ALOX15B: variants seen among roughly 807,000 people sequenced by gnomAD.
The protein encoded by ALOX15B is arachidonate 15-lipoxygenase type B.
Under a neutral mutation model 73.8 loss-of-function variants are expected in ALOX15B, and 74 were observed. That is an observed-to-expected ratio of 1.00 (90% CI 0.83 to 1.22). The LOEUF is 1.22. Ranked by LOEUF, ALOX15B falls within the 50% of genes most tolerant of loss-of-function variation. ALOX15B has a pLI of 0.00. For missense variants in ALOX15B, 896 were observed against 859.9 expected (o/e 1.04, Z -0.52); for synonymous variants, 353 against 357.2 (o/e 0.99, Z 0.13).
chr17:8,040,797 A>G (rs1425078884), intron 3 of ALOX15B, among the ~76,000 whole-genome samples: 1 of 151,746 alleles, frequency 6.6e-6, no homozygotes, highest in Non-Finnish European at 1.5e-5. Context: ...CAGGAAACTC[A>G]CCCTCCAGGG....
At chr17:8,043,819 A>C (rs1976525223) in intron 5 of ALOX15B, among the ~76,000 whole-genome samples, 1 of 152,172 alleles carries the variant, frequency 6.6e-6, no homozygotes, top group African/African-American at 2.4e-5. Context: ...CTGTAATCCC[A>C]GCACTTTGGA....
chr17:8,047,206 C>T lies in ALOX15B; in HGVS notation c.1458-52C>T, dbSNP rs1976633613. The T allele has an allele frequency of 2.5e-6, 4 of 1,611,668 alleles. No homozygotes were observed. The Admixed American group carries it at 5.0e-5, about 20-fold the overall frequency. ...ATTCATGATGCTAAGCAGAGGCATT[C>T]CTCAGAGCGGGTCGGGGTTGGAGGC... is the stretch of plus-strand genomic sequence containing the variant. On this transcript the variant is annotated intron_variant, in intron 10 of 13. Coordinates refer to ENST00000380183, the MANE Select transcript of ALOX15B (RefSeq NM_001141.3).
intron 13 of ALOX15B, 122 bp from the exon 14 acceptor site, chr17:8,048,264 C>G (rs1273995367): frequency 8.1e-7 from 1 of 1,238,230 alleles, no homozygotes; most frequent in East Asian, 2.4e-5. Context: ...TCAGGTCCCA[C>G]ACTTGGGGGC....
Position 8,046,695 on chromosome 17 carries a change from C to T in ALOX15B, c.1228C>T (p.Leu410=). The part of the protein sequence containing the change: ...KLLIPHTRYT[L]HINTLARELL... ...GCTGATCCCGCACACCCGATACACC[C>T]TGCACATCAACACACTCGCCCGGGA... The change falls in exon 9 of 14, where the codon CTG becomes TTG. Residue 410 remains leucine, a synonymous_variant. Coordinates refer to ENST00000380183, the MANE Select transcript of ALOX15B (RefSeq NM_001141.3). 6.2e-7 allele frequency: 1 copy of T among 1,614,020 alleles called. No individual in the cohort carries two copies. The highest frequency in any genetic ancestry group is 8.5e-7 in the Non-Finnish European group (1 of 1,179,968).
In ALOX15B at chr17:8,044,899, C is replaced by A; in HGVS notation, c.747C>A (p.Val249=). ...ASQFLNGLNP[V]LIRRCHYLPK... ...AGTTCCTGAATGGTCTCAACCCTGTCCTGATCCGCCGCTGTCACTACCTCC... is the reference window on the plus strand; with the variant it reads ...AGTTCCTGAATGGTCTCAACCCTGTACTGATCCGCCGCTGTCACTACCTCC... The change falls in exon 6 of 14, where the codon GTC becomes GTA. Residue 249 remains valine, a synonymous_variant. Transcript: ENST00000380183. 6.2e-7 allele frequency: 1 copy of A among 1,614,076 alleles called. No homozygotes were observed. Among genetic ancestry groups the A allele is most frequent in the Non-Finnish European group, 8.5e-7 (1 of 1,180,002 alleles).
chr17:8,041,655 C>T (rs1489692685), intron 3 of ALOX15B, among the ~76,000 whole-genome samples: 1 of 152,220 alleles, frequency 6.6e-6, no homozygotes, highest in Non-Finnish European at 1.5e-5. Context: ...TGAGTGAGAG[C>T]ATGACTGGCT....
Position 8,040,697 on chromosome 17 carries a change from T to C in ALOX15B, c.449+714T>C, listed in dbSNP as rs905056828. ...GCTTTAAATGCCTTACCTTTGCTGGTGTCTTCCTTGCCCTGGGACTTTTTC... is the reference window on the plus strand; with the variant it reads ...GCTTTAAATGCCTTACCTTTGCTGGCGTCTTCCTTGCCCTGGGACTTTTTC... On this transcript the variant is annotated intron_variant, in intron 3 of 13. Coordinates refer to ENST00000380183, the MANE Select transcript of ALOX15B (RefSeq NM_001141.3). 3.3e-5 allele frequency among the ~76,000 whole-genome samples: 5 copies of C among 152,266 alleles called. No homozygotes were observed. In the South Asian group the frequency reaches 8.3e-4, roughly 25 times the overall value.
intron 3 of ALOX15B, 75 bp downstream of exon 3, chr17:8,040,058 G>C: frequency 1.4e-6 from 2 of 1,404,940 alleles, no homozygotes; most frequent in Non-Finnish European, 9.9e-7. Flanking sequence ...GGTCATGACA[G>C]AGATTAAAAG....
At position 8,047,083 on chromosome 17, in the gene ALOX15B, G is replaced by A. The variant is rs1351001914; in HGVS notation, c.1457+7G>A. 7 of 1,613,272 alleles carry A rather than the reference G, an allele frequency of 4.3e-6. No homozygotes were observed. The highest frequency in any genetic ancestry group is 5.1e-6 in the Non-Finnish European group (6 of 1,179,956). ...TCTGGGGTGCAGTGGAACGGTGAGG[G>A]GCCGTCCCTGGAGAGCCGAGGGCTG... On this transcript the variant is annotated splice_region_variant and intron_variant, in intron 10 of 13. Coordinates refer to ENST00000380183, the MANE Select transcript of ALOX15B (RefSeq NM_001141.3).
chr17:8,048,697 A>G lies in ALOX15B; in HGVS notation c.*132A>G. 1 of 955,026 alleles carries G rather than the reference A, an allele frequency of 1.0e-6. No homozygotes were observed. The highest frequency in any genetic ancestry group is 1.8e-5 in the South Asian group (1 of 55,698). 59.2% of individuals were successfully genotyped at this position (955,026 alleles called of 1,614,324 possible). ...CTCTCCTGGGACAACCAGACTCTGT[A>G]ACTCACCCCCACCACCATACACACA... On this transcript the variant is annotated 3_prime_UTR_variant, in exon 14 of 14. Coordinates refer to ENST00000380183, the MANE Select transcript of ALOX15B (RefSeq NM_001141.3).
intron 4 of ALOX15B, 125 bp downstream of exon 4, chr17:8,042,616 G>A: frequency 7.0e-7 from 1 of 1,434,314 alleles, no homozygotes; most frequent in East Asian, 2.3e-5. Context: ...CCAGGAAACA[G>A]CCTCCTTCCC....
At chr17:8,042,269 G>A (rs1976482280) in intron 3 of ALOX15B, 100 bp from the exon 4 acceptor site, 3 of 1,468,522 alleles carry the variant, frequency 2.0e-6, no homozygotes, top group African/African-American at 2.8e-5. Flanking sequence ...GAAGGGGTCT[G>A]GCTGTGACCA....
intron 7 of ALOX15B, 22 bp from the exon 8 acceptor site, chr17:8,045,461 C>T (rs766311049): frequency 1.2e-6 from 2 of 1,613,982 alleles, no homozygotes; most frequent in East Asian, 4.5e-5. Flanking sequence ...GGCTGCCTCT[C>T]TCCCCACCTG....
Position 8,042,879 on chromosome 17 carries a change from C to A in ALOX15B, c.671C>A (p.Ala224Glu). The change falls in exon 5 of 14, where the codon GCA (alanine) becomes GAA (glutamate). Residue 224 changes from alanine (A) to glutamate (E), a missense_variant. Ala to Glu is a moderately radical substitution (Grantham distance 107, BLOSUM62 -1). Transcript: ENST00000380183. The part of the protein sequence containing the change: ...KRIFNFRRTP[A>E]AEHAFEHWQE... The stretch of plus-strand genomic sequence containing the variant: ...ATCTTCAACTTCCGGAGGACCCCAG[C>A]AGCTGGTGAGGAGCTTGGGCCAGGG... The A allele has an allele frequency of 6.4e-7, 1 of 1,551,994 alleles. No individual in the cohort carries two copies. The highest frequency in any genetic ancestry group is 8.7e-7 in the Non-Finnish European group (1 of 1,147,228).
intron 6 of ALOX15B, 74 bp from the exon 7 acceptor site, chr17:8,045,164 C>T (rs1598164855): frequency 6.2e-7 from 1 of 1,607,396 alleles, no homozygotes; most frequent in East Asian, 2.2e-5. Flanking sequence ...AGCCCTGAAT[C>T]CTCTCCCTTC....
At chr17:8,041,332 T>C (rs1976458508) in intron 3 of ALOX15B, among the ~76,000 whole-genome samples, 1 of 152,256 alleles carries the variant, frequency 6.6e-6, no homozygotes, top group South Asian at 2.1e-4. Flanking sequence ...GTTAAGAATG[T>C]AGGTGGTCAG....
chr17:8,048,422 G>A lies in ALOX15B; in HGVS notation c.1888G>A (p.Glu630Lys), dbSNP rs1263964443. The A allele has an allele frequency of 1.9e-6, 3 of 1,613,936 alleles. No individual in the cohort carries two copies. Among genetic ancestry groups the A allele is most frequent in the Admixed American group, 3.3e-5 (2 of 60,006 alleles). Residue 630 changes from glutamate (E) to lysine (K), a missense_variant, in exon 14 of 14, where the codon GAG becomes AAG. By Grantham distance (56) the Glu-to-Lys change is moderately conservative. Transcript: ENST00000380183. Reference sequence around the variant, plus strand: ...CACCTATCCGGATGAGCACTTCACAGAGGAGGCCCCTCGGCGGAGCATCGC... The same window carrying A: ...CACCTATCCGGATGAGCACTTCACAAAGGAGGCCCCTCGGCGGAGCATCGC... ...LGTYPDEHFT[E>K]EAPRRSIATF...
rs202194261 is a variant in ALOX15B, at chr17:8,047,731, C to T, written c.1681-14C>T. On this transcript the variant is annotated splice_polypyrimidine_tract_variant and intron_variant, in intron 12 of 13. Coordinates refer to ENST00000380183, the MANE Select transcript of ALOX15B (RefSeq NM_001141.3). ...CCCAGCTCCTCAGCCTCATTCTGCC[C>T]TCTCGGCCTTCAGTTTGACTCCTGT... 8.1e-6 allele frequency: 13 copies of T among 1,614,132 alleles called. No homozygotes were observed. In the African/African-American group the frequency reaches 1.5e-4, roughly 18 times the overall value.
intron 2 of ALOX15B, 92 bp from the exon 3 acceptor site, chr17:8,039,810 T>C: frequency 7.4e-7 from 1 of 1,347,498 alleles, no homozygotes; most frequent in Non-Finnish European, 1.0e-6. Context: ...GGAGGGGACC[T>C]GGTAGAGGGT....
Sources: allele counts gnomAD v4.1 joint callset (sites outside exome capture counted in the v4.1 genomes callset), GRCh38; gene constraint gnomAD v4.1.1; transcripts MANE v1.5; gene names NCBI Gene and HGNC (gene_info 2026-07-23, HGNC 2026-07-21).